The following GLRA3 variants were observed in gnomAD, a reference collection of about 807,000 sequenced individuals.
GLRA3 encodes the protein glycine receptor subunit alpha-3.
Under a neutral mutation model 60.4 loss-of-function variants are expected in GLRA3, and 44 were observed. The ratio of observed to expected loss-of-function variants is 0.73; its 90% CI spans 0.57 to 0.94. The LOEUF is 0.94. GLRA3 is among the 40% of genes least tolerant of loss of function. The pLI is 0.00. For missense variants in GLRA3, 508 were observed against 564.6 expected (o/e 0.90, Z 1.02); for synonymous variants, 223 against 192.9 (o/e 1.16, Z -1.29).
At chr4:174,656,820 G>A (rs1321312242) in intron 8 of GLRA3, 33 bp from the exon 9 acceptor site, 3 of 1,224,618 alleles carry the variant, frequency 2.4e-6, no homozygotes, top group South Asian at 2.4e-5. Flanking sequence ...AAGAGGAATT[G>A]AGAAACCAGA....
intron 2 of GLRA3, among the ~76,000 whole-genome samples, chr4:174,773,667 A>C (rs1318552465): frequency 1.3e-5 from 2 of 151,678 alleles, no homozygotes; most frequent in Non-Finnish European, 2.9e-5. Context: ...TTTTTTATTC[A>C]CAAAGCATAT....
chr4:174,702,442 G>A (rs896945561), intron 5 of GLRA3, among the ~76,000 whole-genome samples: 2 of 152,070 alleles, frequency 1.3e-5, no homozygotes, highest in Non-Finnish European at 2.9e-5. Flanking sequence ...TCATAGTCTG[G>A]AACTGAACCA....
Position 174,704,199 on chromosome 4 carries a change from G to A in GLRA3, c.574+11289C>T. ...AGTCCCAGCTACTTGGGAAGCTGAG[G>A]TGGGAGGATCGCTTGAGCCTGGAGG... On this transcript the variant is annotated intron_variant, in intron 5 of 9. Transcript: ENST00000274093. 1.4e-5 allele frequency among the ~76,000 whole-genome samples: 2 copies of A among 143,372 alleles called. 1 individual carries two copies. The highest frequency in any genetic ancestry group is 3.1e-5 in the Non-Finnish European group (2 of 64,548). 94.1% of individuals were successfully genotyped at this position (143,372 alleles called of 152,430 possible). A position where few individuals can be genotyped will look rare whatever the true frequency, so the allele number is the denominator to read the frequency against.
intron 3 of GLRA3, among the ~76,000 whole-genome samples, chr4:174,748,338 T>A (rs1486036896): frequency 3.3e-5 from 5 of 152,164 alleles, no homozygotes; most frequent in Non-Finnish European, 7.3e-5. Flanking sequence ...GAAATAGCAA[T>A]TTTAGTGAAG....
intron 1 of GLRA3, among the ~76,000 whole-genome samples, chr4:174,811,554 C>T (rs1046557978): frequency 2.6e-5 from 4 of 152,116 alleles, no homozygotes; most frequent in Non-Finnish European, 5.9e-5. Context: ...TTCTTATAGG[C>T]CATAGGTTAT....
chr4:174,677,160 G>A lies in GLRA3; in HGVS notation c.845C>T (p.Ala282Val), dbSNP rs991255669. The part of the protein sequence containing the change: ...WVSFWINMDA[A>V]PARVALGITT... ...TATCCCCAGAGCTACCCTGGCCGGTGCTGCATCCATGTTGATCCAGAATGA... is the reference window on the plus strand; with the variant it reads ...TATCCCCAGAGCTACCCTGGCCGGTACTGCATCCATGTTGATCCAGAATGA... Residue 282 changes from alanine (A) to valine (V), a missense_variant, in exon 7 of 10, where the codon GCA (alanine) becomes GTA (valine). Physicochemically the swap from Ala to Val is moderately conservative, Grantham distance 64. Coordinates refer to ENST00000274093, the MANE Select transcript of GLRA3 (RefSeq NM_006529.4). 1.2e-6 allele frequency: 2 copies of A among 1,612,654 alleles called. No homozygotes were observed. Among genetic ancestry groups the A allele is most frequent in the Non-Finnish European group, 1.7e-6 (2 of 1,178,862 alleles).
At chr4:174,703,002 C>T (rs183808665) in intron 5 of GLRA3, among the ~76,000 whole-genome samples, 1 of 152,276 alleles carries the variant, frequency 6.6e-6, no homozygotes, top group African/African-American at 2.4e-5. Context: ...ACGCCCAGTG[C>T]TAACACTTGG....
chr4:174,812,402 A>C (rs1579646923), intron 1 of GLRA3, among the ~76,000 whole-genome samples: 4 of 152,138 alleles, frequency 2.6e-5, no homozygotes, highest in Non-Finnish European at 1.5e-5. Flanking sequence ...TGCTTGTATA[A>C]CTACAGATGT....
chr4:174,656,076 T>C (rs1733186881), intron 9 of GLRA3, among the ~76,000 whole-genome samples: 1 of 152,106 alleles, frequency 6.6e-6, no homozygotes, highest in African/African-American at 2.4e-5. Flanking sequence ...TGTTTAATTA[T>C]TGCATACTAT....
At position 174,828,738 on chromosome 4, in the gene GLRA3, C is replaced by T. The variant is rs1741082172; in HGVS notation, c.71+3G>A. 3 of 1,594,446 alleles carry T rather than the reference C, an allele frequency of 1.9e-6. No individual in the cohort carries two copies. Among genetic ancestry groups the T allele is most frequent in the Non-Finnish European group, 8.6e-7 (1 of 1,162,186 alleles). On this transcript the variant is annotated splice_donor_region_variant and intron_variant, in intron 1 of 9. Coordinates refer to ENST00000274093, the MANE Select transcript of GLRA3 (RefSeq NM_006529.4). ...TCCGACTGTTAAATCCAAGCGAACT[C>T]ACCTGAGTAACAGTGCTGCTTCCCA...
At chr4:174,698,218 G>T (rs192695190) in intron 5 of GLRA3, among the ~76,000 whole-genome samples, 111 of 152,106 alleles carry the variant, frequency 7.3e-4, no homozygotes, top group African/African-American at 2.5e-3. Flanking sequence ...TAGAGATAGG[G>T]TCTCACTCTG....
At chr4:174,818,803 C>T (rs28572132) in intron 1 of GLRA3, among the ~76,000 whole-genome samples, 45,439 of 151,724 alleles carry the variant, frequency 0.3, 7,235 homozygotes, top group Non-Finnish European at 0.33. Context: ...CAGTAGGATA[C>T]AGAAAAAAAG....
intron 3 of GLRA3, 74 bp from the exon 4 acceptor site, chr4:174,728,772 G>T: frequency 1.1e-6 from 1 of 914,114 alleles, no homozygotes; most frequent in Non-Finnish European, 1.7e-6. Flanking sequence ...GTGTCAGTGT[G>T]GTGCCAAGGC....
intron 7 of GLRA3, among the ~76,000 whole-genome samples, chr4:174,662,645 G>A (rs548282010): frequency 6.6e-6 from 1 of 152,140 alleles, no homozygotes; most frequent in East Asian, 1.9e-4. Context: ...CAACATTTGG[G>A]GGAAAGTTAG....
At chr4:174,756,338 A>T (rs1044951611) in intron 3 of GLRA3, among the ~76,000 whole-genome samples, 22 of 152,250 alleles carry the variant, frequency 1.4e-4, no homozygotes, top group African/African-American at 5.1e-4. Flanking sequence ...TTAACACAGT[A>T]GCAAATATCC....
intron 7 of GLRA3, among the ~76,000 whole-genome samples, chr4:174,668,114 G>A (rs1176103356): frequency 6.6e-6 from 1 of 152,064 alleles, no homozygotes; most frequent in African/African-American, 2.4e-5. Context: ...TGTAAGAAGT[G>A]CTTACTTCCC....
chr4:174,824,882 A>G (rs1349036346), intron 1 of GLRA3, among the ~76,000 whole-genome samples: 1 of 152,164 alleles, frequency 6.6e-6, no homozygotes, highest in Non-Finnish European at 1.5e-5. Flanking sequence ...ATCCAAAGCT[A>G]AATTGTGCTT....
At chr4:174,815,409 T>G (rs1270901881) in intron 1 of GLRA3, among the ~76,000 whole-genome samples, 1 of 152,178 alleles carries the variant, frequency 6.6e-6, no homozygotes. Context: ...ATAGCTCCAC[T>G]AGGTGATGTC....
Position 174,640,663 on chromosome 4 carries a change from A to G in GLRA3, c.*3123T>C, listed in dbSNP as rs1732603844. The G allele has an allele frequency of 6.6e-6, 1 of 151,806 alleles. No individual in the cohort carries two copies. Among genetic ancestry groups the G allele is most frequent in the South Asian group, 2.1e-4 (1 of 4,832 alleles). 9.4% of individuals were successfully genotyped at this position (151,806 alleles called of 1,614,324 possible). A position where few individuals can be genotyped will look rare whatever the true frequency, so the allele number is the denominator to read the frequency against. On this transcript the variant is annotated 3_prime_UTR_variant, in exon 10 of 10. Coordinates refer to ENST00000274093, the MANE Select transcript of GLRA3 (RefSeq NM_006529.4). ...TTTAGATTATTCATTTTTTTTTCTA[A>G]AATTTCCCTTACCTTCCATGAGATC...
Sources: gnomAD v4.1 joint callset for allele counts (sites outside exome capture counted in the v4.1 genomes callset) on GRCh38, gnomAD v4.1.1 for gene constraint, MANE v1.5 for transcripts, NCBI Gene and HGNC (gene_info 2026-07-23, HGNC 2026-07-21) for gene names.